Variants in VPS13D observed in about 807,000 individuals in gnomAD.
VPS13D encodes intermembrane lipid transfer protein VPS13D.
Under a neutral mutation model 461.9 loss-of-function variants are expected in VPS13D, and 187 were observed. The ratio of observed to expected loss-of-function variants is 0.40; its 90% CI spans 0.36 to 0.46. VPS13D has a LOEUF of 0.46. Among genes scored for constraint, VPS13D ranks in the 20% least tolerant of loss-of-function variants. VPS13D has a pLI of 0.60. For synonymous variants in VPS13D, 1,951 were observed against 1,986.3 expected (o/e 0.98, Z 0.47); for missense variants, 4,711 against 5,364.9 (o/e 0.88, Z 3.81).
At position 12,502,274 on chromosome 1, in the gene VPS13D, G is replaced by T. The variant is rs1206449290; in HGVS notation, c.12795-4579G>T. 3.3e-5 allele frequency among the ~76,000 whole-genome samples: 5 copies of T among 152,206 alleles called. No homozygotes were observed. The highest frequency in any genetic ancestry group is 9.6e-5 in the African/African-American group (4 of 41,466). On this transcript the variant is annotated intron_variant, in intron 68 of 69. Transcript: ENST00000620676. This position sits in a 1 kb window ranked among gnomAD's most constrained non-coding sequence, Gnocchi z 4.3. ...AGTGGCCGTAACGATGACTAGAAGA[G>T]GACAGATTGGAGAGGCATTTAGGAG... is the stretch of plus-strand genomic sequence containing the variant.
At chr1:12,485,315 C>T (rs901942202) in intron 67 of VPS13D, among the ~76,000 whole-genome samples, 9 of 152,212 alleles carry the variant, frequency 5.9e-5, no homozygotes, top group South Asian at 4.1e-4. Flanking sequence ...TTGCAATGCA[C>T]GCAAACTGAA....
At chr1:12,327,988 T>A (rs377377004) in intron 36 of VPS13D, 134 bp downstream of exon 36, 28 of 918,314 alleles carry the variant, frequency 3.0e-5, no homozygotes, top group Non-Finnish European at 4.3e-5. Flanking sequence ...GTTTTACATA[T>A]GTTTTTCATT....
chr1:12,508,350 C>T (rs1646139992), intron 69 of VPS13D, among the ~76,000 whole-genome samples: 1 of 152,024 alleles, frequency 6.6e-6, no homozygotes, highest in South Asian at 2.1e-4. Context: ...TCAGTTATGG[C>T]CGTGGGGGGG....
chr1:12,506,168 C>T (rs1264629831), intron 68 of VPS13D, among the ~76,000 whole-genome samples: 3 of 152,338 alleles, frequency 2.0e-5, no homozygotes, highest in African/African-American at 7.2e-5. Flanking sequence ...CACTGCTCTT[C>T]ATTCAGTGGC....
chr1:12,425,562 T>TA lies in VPS13D; in HGVS notation c.12333+8750dup, dbSNP rs79970313. 0.01 allele frequency among the ~76,000 whole-genome samples: 1,470 copies of TA among 142,562 alleles called. 64 individuals carry two copies. In the East Asian group the frequency reaches 0.14, roughly 13 times the overall value. 93.5% of individuals were successfully genotyped at this position (142,562 alleles called of 152,430 possible). On this transcript the variant is annotated intron_variant, in intron 65 of 69. Coordinates refer to ENST00000620676, the MANE Select transcript of VPS13D (RefSeq NM_015378.4). The stretch of plus-strand genomic sequence containing the variant: ...TGACAGAACAATGTTGTTTCTGTCT[T>TA]AAAAAAAAAAAAAAATATCAGCGAT...
intron 67 of VPS13D, among the ~76,000 whole-genome samples, chr1:12,481,975 G>T (rs1320341932): frequency 6.6e-6 from 1 of 152,218 alleles, no homozygotes; most frequent in Non-Finnish European, 1.5e-5. Context: ...TTTGGGACCA[G>T]CCAGCCCTTC....
chr1:12,273,316 C>T (rs77524447), intron 18 of VPS13D, among the ~76,000 whole-genome samples, 181 bp downstream of exon 18: 58 of 152,138 alleles, frequency 3.8e-4, no homozygotes, highest in African/African-American at 1.3e-3. Flanking sequence ...CTTGGTAGAT[C>T]GACCTGTCTA....
rs576022467 is a variant in VPS13D at position 12,386,220 on chromosome 1, C to T, written c.11520C>T (p.Ser3840=). ...GGTTAGAAGGTGGAATTGGGTTGTC[C>T]TTAATTAATAAAGTCCCAGAAGAAC... The part of the protein sequence containing the change: ...LVRLEGGIGL[S]LINKVPEELV... Residue 3840 remains serine (S), a synonymous_variant, in exon 60 of 70, where the codon TCC becomes TCT. Coordinates refer to ENST00000620676, the MANE Select transcript of VPS13D (RefSeq NM_015378.4). 2 of 1,612,900 alleles carry T rather than the reference C, an allele frequency of 1.2e-6. No homozygotes were observed. The highest frequency in any genetic ancestry group is 1.1e-5 in the South Asian group (1 of 90,866).
At chr1:12,480,033 G>A (rs910886984) in intron 67 of VPS13D, among the ~76,000 whole-genome samples, 2 of 152,182 alleles carry the variant, frequency 1.3e-5, no homozygotes, top group Admixed American at 1.3e-4. Context: ...GAGAGACCCT[G>A]GCCTTTTAGT....
At chr1:12,297,564 C>T (rs1336327212) in intron 24 of VPS13D, among the ~76,000 whole-genome samples, 9 of 152,108 alleles carry the variant, frequency 5.9e-5, no homozygotes, top group African/African-American at 9.7e-5. Context: ...AGTAGGAATA[C>T]GGAGATAGCA....
intron 2 of VPS13D, among the ~76,000 whole-genome samples, chr1:12,240,154 A>G (rs1640298393): frequency 6.6e-6 from 1 of 151,922 alleles, no homozygotes; most frequent in East Asian, 1.9e-4. Context: ...TCTCCTTTCT[A>G]GATCTCCTCC....
At position 12,415,119 on chromosome 1, in the gene VPS13D, AC is replaced by A; in HGVS notation, c.12064del (p.Arg4022GlyfsTer6). 1 of 1,614,024 alleles carries A rather than the reference AC, an allele frequency of 6.2e-7. No individual in the cohort carries two copies. The highest frequency in any genetic ancestry group is 1.1e-5 in the South Asian group (1 of 91,066). ...AAAGCACCTTGGGGTTTCCTTTGATACGGTTTGAAGACGCTGTGATTAATCT... is the reference window on the plus strand; with the variant it reads ...AAAGCACCTTGGGGTTTCCTTTGATAGGTTTGAAGACGCTGTGATTAATCT... ...LKSTLGFPLI[R>X]FEDAVINLDP... is the part of the protein sequence containing the mutation. On this transcript the variant is annotated frameshift_variant, in exon 64 of 70. Coordinates refer to ENST00000620676, the MANE Select transcript of VPS13D (RefSeq NM_015378.4). LOFTEE classifies it high-confidence loss of function.
chr1:12,423,465 G>A (rs1644887526), intron 65 of VPS13D, among the ~76,000 whole-genome samples: 1 of 152,156 alleles, frequency 6.6e-6, no homozygotes, highest in African/African-American at 2.4e-5. Flanking sequence ...ATAACTTTTA[G>A]GAAAACTGTC....
intron 60 of VPS13D, 24 bp downstream of exon 60, chr1:12,386,358 T>G: frequency 6.4e-7 from 1 of 1,568,736 alleles, no homozygotes; most frequent in East Asian, 2.4e-5. Flanking sequence ...TCCAAAGCTG[T>G]TAGTCACCTT....
intron 18 of VPS13D, 67 bp downstream of exon 18, chr1:12,273,202 A>G: frequency 6.6e-7 from 1 of 1,519,548 alleles, no homozygotes; most frequent in South Asian, 1.3e-5. Context: ...ATGATTATCT[A>G]AGTAAAGCTT....
intron 67 of VPS13D, 49 bp from the exon 68 acceptor site, chr1:12,497,451 T>C: frequency 6.4e-7 from 1 of 1,564,092 alleles, no homozygotes; most frequent in South Asian, 1.2e-5. Flanking sequence ...GAAAATCATT[T>C]TAACCTGCAC....
chr1:12,264,010 C>T (rs1641193385), intron 13 of VPS13D, among the ~76,000 whole-genome samples: 2 of 152,210 alleles, frequency 1.3e-5, no homozygotes, highest in Admixed American at 1.3e-4. Flanking sequence ...CTCTGTGTCA[C>T]ATTTTAGTAA....
chr1:12,308,419 G>C lies in VPS13D; in HGVS notation c.6440-12G>C. On this transcript the variant is annotated splice_polypyrimidine_tract_variant and intron_variant, in intron 26 of 69. Transcript: ENST00000620676. ...TTTTCTTCATTACCTCTCTTTCCTTGGGTCCTTGTAGAAGACCATGTCTGC... is the reference window on the plus strand; with the variant it reads ...TTTTCTTCATTACCTCTCTTTCCTTCGGTCCTTGTAGAAGACCATGTCTGC... 6.2e-7 allele frequency: 1 copy of C among 1,613,688 alleles called. No individual in the cohort carries two copies. Among genetic ancestry groups the C allele is most frequent in the Non-Finnish European group, 8.5e-7 (1 of 1,179,838 alleles).
chr1:12,423,293 G>A (rs941052505), intron 65 of VPS13D, among the ~76,000 whole-genome samples: 10 of 152,246 alleles, frequency 6.6e-5, no homozygotes, highest in African/African-American at 1.9e-4. Flanking sequence ...TGGCTCTTCT[G>A]TACTGGCATC....
Sources: allele counts gnomAD v4.1 joint callset (sites outside exome capture counted in the v4.1 genomes callset), GRCh38; gene constraint gnomAD v4.1.1; non-coding constraint Gnocchi (gnomAD v3.1); transcripts MANE v1.5; gene names NCBI Gene and HGNC (gene_info 2026-07-23, HGNC 2026-07-21).